MIB2: variants seen among roughly 807,000 people sequenced by gnomAD.
MIB2 encodes E3 ubiquitin-protein ligase MIB2.
MIB2 carries 78 observed loss-of-function variants against 96.6 expected under a neutral mutation model. That is an observed-to-expected ratio of 0.81 (90% confidence interval 0.67 to 0.97). MIB2 has a LOEUF of 0.97. MIB2 is among the 50% of genes least tolerant of loss of function. MIB2 has a pLI of 0.00. For synonymous variants in MIB2, 820 were observed against 629.5 expected, an observed-to-expected ratio of 1.30 and a Z score of -4.53; for missense variants, 1,543 against 1,424.0, an observed-to-expected ratio of 1.08 and a Z score of -1.35.
At chr1:1,615,461 T>TGGCGGGGGCGCTCC (rs754625225), upstream of MIB2, 70 of 1,515,640 alleles carry the variant, frequency 4.6e-5, no homozygotes, top group Admixed American at 3.3e-4. Flanking sequence ...GGCGTGGCCA[T>TGGCGGGGGCGCTCC]GGCGGGGGCG....
Position 1,626,329 on chromosome 1 carries a change from G to T in MIB2, c.973-321G>T, listed in dbSNP as rs1644758864. 7.4e-6 allele frequency: 3 copies of T among 407,584 alleles called. No homozygotes were observed. The highest frequency in any genetic ancestry group is 4.4e-6 in the Non-Finnish European group (1 of 227,522). 25.2% of individuals were successfully genotyped at this position (407,584 alleles called of 1,614,324 possible). A position where few individuals can be genotyped will look rare whatever the true frequency, so the allele number is the denominator to read the frequency against. ...GGCCCCACCCCCACGCTGGCTCACGGGCCCTGGCCATGTTGCCTGCTGCTG... is the reference window on the plus strand; with the variant it reads ...GGCCCCACCCCCACGCTGGCTCACGTGCCCTGGCCATGTTGCCTGCTGCTG... On this transcript the variant is annotated intron_variant, in intron 8 of 19. Transcript: ENST00000355826. This position sits in a 1 kb window ranked among gnomAD's most constrained non-coding sequence, Gnocchi z 5.3.
rs1345885653 is a variant in MIB2 at position 1,626,942 on chromosome 1, T to C, written c.1183T>C (p.Tyr395His). ...WTFSPSCLVA[Y>H]RPEEDANLDV... Reference sequence around the variant, plus strand: ...CTTCAGCCCCTCCTGCCTGGTGGCCTACCGGCCCGAGGAGGATGCCAACCT... The same window carrying C: ...CTTCAGCCCCTCCTGCCTGGTGGCCCACCGGCCCGAGGAGGATGCCAACCT... Residue 395 changes from tyrosine to histidine, a missense_variant, in exon 10 of 20, where the codon TAC becomes CAC. Tyr to His is a moderately conservative substitution (Grantham distance 83). Coordinates refer to ENST00000355826, the MANE Select transcript of MIB2 (RefSeq NM_001170687.4). The surrounding 1 kb of genome is among the most constrained non-coding windows in gnomAD (Gnocchi z 5.3). The C allele has an allele frequency of 1.2e-6, 2 of 1,610,994 alleles. No individual in the cohort carries two copies. The highest frequency in any genetic ancestry group is 1.1e-5 in the South Asian group (1 of 90,912).
rs777229113 is a variant in MIB2 at position 1,627,420 on chromosome 1, C to T, written c.1499C>T (p.Thr500Met). 53 of 1,612,430 alleles carry T rather than the reference C, an allele frequency of 3.3e-5. No individual in the cohort carries two copies. Among genetic ancestry groups the T allele is most frequent in the African/African-American group, 1.6e-4 (12 of 74,922 alleles). The change falls in exon 12 of 20, where the codon ACG becomes ATG. Residue 500 changes from threonine (T) to methionine (M), a missense_variant. By Grantham distance (81) the Thr-to-Met change is moderately conservative. Coordinates refer to ENST00000355826, the MANE Select transcript of MIB2 (RefSeq NM_001170687.4). ...GVDLPDDEGN[T>M]ALHYAALGNQ... ...GACCTGCCGGACGACGAGGGCAACA[C>T]GGCACTGCACTACGCGGCCCTGGGG...
rs1482083149 is a variant in MIB2 at position 1,627,288 on chromosome 1, C to T, written c.1375-8C>T. 1.2e-6 allele frequency: 2 copies of T among 1,613,250 alleles called. No homozygotes were observed. The highest frequency in any genetic ancestry group is 1.3e-5 in the African/African-American group (1 of 75,070). On this transcript the variant is annotated splice_polypyrimidine_tract_variant and splice_region_variant and intron_variant, in intron 11 of 19. Transcript: ENST00000355826. The stretch of plus-strand genomic sequence containing the variant: ...GGCCAGGGACTCACCTGCTGGCACT[C>T]TTGGCAGGTGGACACCAAGAACCAA...
In MIB2 at chr1:1,630,395, C is replaced by T; in HGVS notation, c.2733C>T (p.Cys911=). 1.9e-6 allele frequency: 3 copies of T among 1,568,332 alleles called. No homozygotes were observed. The highest frequency in any genetic ancestry group is 2.6e-6 in the Non-Finnish European group (3 of 1,158,654). ...RYRQMEERIT[C]PICIDSHIRL... is the part of the protein sequence containing the mutation. ...GGCAGATGGAGGAACGCATCACCTG[C>T]CCCATCTGCATCGACAGCCACATCC... Residue 911 remains cysteine, a synonymous_variant, in exon 20 of 20, where the codon TGC becomes TGT. Transcript: ENST00000355826.
chr1:1,616,219 C>T (rs1643645427), intron 1 of MIB2: 2 of 569,452 alleles, frequency 3.5e-6, no homozygotes, highest in Non-Finnish European at 4.5e-6. Context: ...CCGTGCCCGC[C>T]CCTGGCCCGC....
rs764503701 is a variant in MIB2, at chr1:1,627,487, C to G, written c.1523+43C>G. 3.2e-6 allele frequency: 5 copies of G among 1,546,272 alleles called. No individual in the cohort carries two copies. The African/African-American group carries it at 4.5e-5, about 14-fold the overall frequency. ...CCCGGCCGGCGGGGCTGAGCCTGTG[C>G]GTCCTGGGGTGAGGCCTGGGAGGGG... On this transcript the variant is annotated intron_variant, in intron 12 of 19. Coordinates refer to ENST00000355826, the MANE Select transcript of MIB2 (RefSeq NM_001170687.4).
chr1:1,627,724 C>T lies in MIB2; in HGVS notation c.1575C>T (p.Asp525=), dbSNP rs374673276. 18 of 1,595,282 alleles carry T rather than the reference C, an allele frequency of 1.1e-5. No individual in the cohort carries two copies. Among genetic ancestry groups the T allele is most frequent in the South Asian group, 5.5e-5 (5 of 90,414 alleles). Residue 525 remains aspartate, a synonymous_variant, in exon 13 of 20, where the codon GAC becomes GAT. Transcript: ENST00000355826. The part of the protein sequence containing the change: ...RVLLSAGCRA[D]AINSTQSTAL... The stretch of plus-strand genomic sequence containing the variant: ...TCCTGAGTGCTGGGTGCCGGGCGGA[C>T]GCCATCAACAGCACCCAGAGCACAG...
chr1:1,616,687 G>C, intron 2 of MIB2, 73 bp downstream of exon 2: 1 of 1,196,852 alleles, frequency 8.4e-7, no homozygotes, highest in Non-Finnish European at 1.2e-6. Context: ...TGGAAGCCAC[G>C]TCAGAGAGGC....
Position 1,625,811 on chromosome 1 carries a change from G to A in MIB2, c.972+158G>A. 1.6e-6 allele frequency: 1 copy of A among 630,270 alleles called. No individual in the cohort carries two copies. Among genetic ancestry groups the A allele is most frequent in the Non-Finnish European group, 2.8e-6 (1 of 359,982 alleles). 39.0% of individuals were successfully genotyped at this position (630,270 alleles called of 1,614,324 possible). Reference sequence around the variant, plus strand: ...GAGGGACTGGTGGGTGGAGGTGGGTGGGGTCAAGGAGAAGAGGGGGTTGGG... The same window carrying A: ...GAGGGACTGGTGGGTGGAGGTGGGTAGGGTCAAGGAGAAGAGGGGGTTGGG... On this transcript the variant is annotated intron_variant, in intron 8 of 19. Transcript: ENST00000355826. This position sits in a 1 kb window ranked among gnomAD's most constrained non-coding sequence, Gnocchi z 5.0.
chr1:1,628,379 G>A lies in MIB2; in HGVS notation c.1948G>A (p.Ala650Thr). The change falls in exon 15 of 20, where the codon GCC becomes ACC. Residue 650 changes from alanine to threonine, a missense_variant. Transcript: ENST00000355826. ...LAALNNHREV[A>T]QILIREGRCD... ...TGCCCTCAACAACCACCGCGAGGTGGCCCAGATCCTCATCCGGGAGGTGCG... is the reference window on the plus strand; with the variant it reads ...TGCCCTCAACAACCACCGCGAGGTGACCCAGATCCTCATCCGGGAGGTGCG... 1 of 1,612,436 alleles carries A rather than the reference G, an allele frequency of 6.2e-7. No homozygotes were observed. The highest frequency in any genetic ancestry group is 8.5e-7 in the Non-Finnish European group (1 of 1,179,854).
At position 1,625,803 on chromosome 1, in the gene MIB2, A is replaced by C; in HGVS notation, c.972+150A>C. On this transcript the variant is annotated intron_variant, in intron 8 of 19. Transcript: ENST00000355826. This position sits in a 1 kb window ranked among gnomAD's most constrained non-coding sequence, Gnocchi z 5.0. ...AGGAAGGGGAGGGACTGGTGGGTGG[A>C]GGTGGGTGGGGTCAAGGAGAAGAGG... 1.5e-6 allele frequency: 1 copy of C among 657,030 alleles called. No individual in the cohort carries two copies. Among genetic ancestry groups the C allele is most frequent in the Non-Finnish European group, 2.6e-6 (1 of 381,932 alleles). The allele number at this position is 657,030 out of a possible 1,614,324, so 40.7% of individuals were successfully genotyped here.
intron 2 of MIB2, chr1:1,616,879 C>T (rs1643770911): frequency 2.5e-6 from 1 of 407,122 alleles, no homozygotes; most frequent in South Asian, 2.7e-5. Flanking sequence ...TGGCCCTTCC[C>T]GGGAGGCCCC....
At position 1,626,765 on chromosome 1, in the gene MIB2, C is replaced by T; in HGVS notation, c.1077+11C>T. The T allele has an allele frequency of 1.9e-6, 3 of 1,556,968 alleles. No individual in the cohort carries two copies. The highest frequency in any genetic ancestry group is 4.7e-5 in the East Asian group (2 of 42,634). The stretch of plus-strand genomic sequence containing the variant: ...GACGACATGGCCCCTGTGAGTCCCC[C>T]TGCCACCCCCGCCGCTAGCGCCGCT... On this transcript the variant is annotated intron_variant, in intron 9 of 19. Coordinates refer to ENST00000355826, the MANE Select transcript of MIB2 (RefSeq NM_001170687.4). This position sits in a 1 kb window ranked among gnomAD's most constrained non-coding sequence, Gnocchi z 5.3.
In MIB2 at chr1:1,629,020, G is replaced by C. The variant is rs1183663732; in HGVS notation, c.2203-113G>C. On this transcript the variant is annotated intron_variant, in intron 16 of 19. Coordinates refer to ENST00000355826, the MANE Select transcript of MIB2 (RefSeq NM_001170687.4). ...CTTGGGTTCCGGAAGAGGTGCCCTT[G>C]CCTTGTATTTTAGACATGGGGCGCC... 18 of 1,186,738 alleles carry C rather than the reference G, an allele frequency of 1.5e-5. 1 individual carries two copies. In the Admixed American group the frequency reaches 4.7e-4, roughly 31 times the overall value. The allele number at this position is 1,186,738 out of a possible 1,614,324, so 73.5% of individuals were successfully genotyped here. A position where few individuals can be genotyped will look rare whatever the true frequency, so the allele number is the denominator to read the frequency against.
chr1:1,628,321 G>A lies in MIB2; in HGVS notation c.1890G>A (p.Lys630=). The A allele has an allele frequency of 6.2e-7, 1 of 1,612,890 alleles. No individual in the cohort carries two copies. The highest frequency in any genetic ancestry group is 1.1e-5 in the South Asian group (1 of 91,080). ...GGGCGCGGCAGCTGGTGGACGCCAA[G>A]AAGGAGGACGGCTTCACGGCGCTGC... ...LARARQLVDA[K]KEDGFTALHL... The change falls in exon 15 of 20, where the codon AAG becomes AAA. Residue 630 remains lysine, a synonymous_variant. Coordinates refer to ENST00000355826, the MANE Select transcript of MIB2 (RefSeq NM_001170687.4).
chr1:1,622,399 G>A (rs1407993499), intron 2 of MIB2, among the ~76,000 whole-genome samples: 2 of 152,154 alleles, frequency 1.3e-5, no homozygotes, highest in African/African-American at 2.4e-5. Flanking sequence ...GGTGGAGAGA[G>A]GCAGCCCACG....
chr1:1,628,781 G>A (rs1340877757), intron 16 of MIB2, 59 bp downstream of exon 16: 1 of 1,355,538 alleles, frequency 7.4e-7, no homozygotes, highest in Non-Finnish European at 9.9e-7. Context: ...AGCAGGCTCT[G>A]GGCAGGGCCT....
At chr1:1,621,191 C>T (rs574147584) in intron 2 of MIB2, among the ~76,000 whole-genome samples, 23 of 152,238 alleles carry the variant, frequency 1.5e-4, no homozygotes, top group African/African-American at 4.1e-4. Flanking sequence ...AGAGGCCCCG[C>T]GAGGGGAATA....
Sources: allele counts gnomAD v4.1 joint callset (sites outside exome capture counted in the v4.1 genomes callset), GRCh38; gene constraint gnomAD v4.1.1; non-coding constraint Gnocchi (gnomAD v3.1); transcripts MANE v1.5; gene names NCBI Gene and HGNC (gene_info 2026-07-23, HGNC 2026-07-21).